Variants in DOCK2 observed in about 807,000 individuals in gnomAD.
DOCK2 encodes the protein dedicator of cytokinesis 2.
DOCK2 carries 87 observed loss-of-function variants against 248.9 expected under a neutral mutation model. The ratio of observed to expected loss-of-function variants is 0.35; its 90% CI spans 0.29 to 0.42. The LOEUF (loss-of-function observed/expected upper bound fraction) is 0.42, where lower values mean the gene tolerates loss of function less well. Among genes scored for constraint, DOCK2 ranks in the 10% least tolerant of loss-of-function variants. The pLI is 1.00. For synonymous variants in DOCK2, 805 were observed against 821.6 expected (o/e 0.98, Z 0.35); for missense variants, 1,747 against 2,300.2 (o/e 0.76, Z 4.92).
chr5:169,915,702 G>C (rs781020956), intron 27 of DOCK2, among the ~76,000 whole-genome samples: 2 of 151,908 alleles, frequency 1.3e-5, no homozygotes, highest in African/African-American at 4.8e-5. Context: ...AACATTTAAA[G>C]GCAATTGTCA....
At chr5:169,818,710 G>C (rs1315736392) in intron 26 of DOCK2, among the ~76,000 whole-genome samples, 5 of 152,088 alleles carry the variant, frequency 3.3e-5, no homozygotes. Flanking sequence ...GGAAGTGTTG[G>C]GTTCTATTTC....
At chr5:169,681,947 T>A in intron 7 of DOCK2, 68 bp downstream of exon 7, 4 of 1,583,256 alleles carry the variant, frequency 2.5e-6, no homozygotes, top group Non-Finnish European at 3.4e-6. Context: ...CTTAAAATAA[T>A]GGGCTAATGA....
chr5:169,950,137 C>G (rs1776599778), intron 27 of DOCK2, among the ~76,000 whole-genome samples: 1 of 152,148 alleles, frequency 6.6e-6, no homozygotes, highest in African/African-American at 2.4e-5. Context: ...TCTTTCTGTT[C>G]TACTATCATG....
At chr5:169,964,378 G>A (rs145597805) in intron 27 of DOCK2, among the ~76,000 whole-genome samples, 4,065 of 152,250 alleles carry the variant, frequency 0.027, 181 homozygotes, top group African/African-American at 0.092. Context: ...CTGTCATTGG[G>A]AAGACTGGCA....
chr5:169,836,636 C>A (rs1769596834), intron 26 of DOCK2, among the ~76,000 whole-genome samples: 2 of 151,900 alleles, frequency 1.3e-5, no homozygotes, highest in South Asian at 2.1e-4. Flanking sequence ...TAAATATGAC[C>A]AACTTCAAAA....
chr5:169,705,395 C>T (rs1295913019), intron 14 of DOCK2, among the ~76,000 whole-genome samples: 2 of 152,022 alleles, frequency 1.3e-5, no homozygotes, highest in African/African-American at 2.4e-5. Flanking sequence ...CAACTTGAGG[C>T]GGTGGAGGCA....
chr5:169,990,508 T>A (rs1778176602), intron 29 of DOCK2, among the ~76,000 whole-genome samples: 1 of 152,142 alleles, frequency 6.6e-6, no homozygotes, highest in Non-Finnish European at 1.5e-5. Context: ...AATCCCAAAT[T>A]ATGCAGAAAA....
chr5:169,936,259 A>C (rs533723676), intron 27 of DOCK2, among the ~76,000 whole-genome samples: 1 of 152,352 alleles, frequency 6.6e-6, no homozygotes, highest in South Asian at 2.1e-4. Flanking sequence ...GGTTCTACAG[A>C]CAAGATAATG....
intron 27 of DOCK2, among the ~76,000 whole-genome samples, chr5:169,870,625 T>C (rs1322581507): frequency 2.0e-5 from 3 of 152,180 alleles, no homozygotes; most frequent in East Asian, 1.9e-4. Flanking sequence ...TATTATACTT[T>C]AAGTTTTAGG....
Position 169,914,637 on chromosome 5 carries a change from A to C in DOCK2, c.2800-68431A>C, listed in dbSNP as rs77841354. On this transcript the variant is annotated intron_variant, in intron 27 of 51. Transcript: ENST00000520908. ...GCATTTTAAGATCAAGAGTTTCCAC[A>C]TAGAAAACAACCTGGATTTCTGGCA... 4.7e-3 allele frequency among the ~76,000 whole-genome samples: 712 copies of C among 152,346 alleles called. 8 individuals carry two copies. The highest frequency in any genetic ancestry group is 0.038 in the East Asian group (196 of 5,186).
Position 169,717,731 on chromosome 5 carries a change from C to T in DOCK2, c.2132+247C>T, listed in dbSNP as rs1171822776. Among the ~76,000 whole-genome samples, 8 of 152,132 alleles carry T rather than the reference C, an allele frequency of 5.3e-5. No individual in the cohort carries two copies. In the South Asian group the frequency reaches 8.3e-4, roughly 16 times the overall value. On this transcript the variant is annotated intron_variant, in intron 21 of 51. Coordinates refer to ENST00000520908, the MANE Select transcript of DOCK2 (RefSeq NM_004946.3). Reference sequence around the variant, plus strand: ...AGTGCTCATTCATCCATTCAGCTAGCGTGCTCTCATTTCTTGAGTGGACAC... The same window carrying T: ...AGTGCTCATTCATCCATTCAGCTAGTGTGCTCTCATTTCTTGAGTGGACAC...
intron 27 of DOCK2, among the ~76,000 whole-genome samples, chr5:169,926,261 C>T (rs546504363): frequency 2.1e-4 from 32 of 152,342 alleles, no homozygotes; most frequent in African/African-American, 7.0e-4. Flanking sequence ...TCTCACCTGC[C>T]ACCTGCAGAC....
At chr5:169,934,944 T>C (rs1162213604) in intron 27 of DOCK2, 7 of 323,630 alleles carry the variant, frequency 2.2e-5, no homozygotes, top group African/African-American at 1.5e-4. Context: ...TAGAAAGTGA[T>C]TGTGCTATGC....
intron 27 of DOCK2, chr5:169,882,825 C>A (rs534029058): frequency 9.0e-6 from 14 of 1,549,990 alleles, no homozygotes; most frequent in African/African-American, 4.1e-5. Context: ...GGTTGTTTGC[C>A]GTCTGCTCCT....
intron 27 of DOCK2, among the ~76,000 whole-genome samples, chr5:169,856,682 G>A (rs1343409595): frequency 1.3e-5 from 2 of 152,194 alleles, no homozygotes; most frequent in Non-Finnish European, 2.9e-5. Flanking sequence ...ACCCATCCGT[G>A]ATTTCTGTTT....
intron 25 of DOCK2, among the ~76,000 whole-genome samples, chr5:169,768,568 C>T (rs866578035): frequency 6.6e-6 from 1 of 152,140 alleles, no homozygotes; most frequent in East Asian, 1.9e-4. Flanking sequence ...CACAGGGACC[C>T]TTGCCTGGGA....
intron 46 of DOCK2, among the ~76,000 whole-genome samples, chr5:170,073,819 AG>A (rs1757755762): frequency 6.6e-6 from 1 of 152,162 alleles, no homozygotes; most frequent in Non-Finnish European, 1.5e-5. Context: ...ATTGGTTATT[AG>A]TACCTTGTAT....
chr5:169,968,100 G>A (rs1777369244), intron 27 of DOCK2, among the ~76,000 whole-genome samples: 1 of 152,172 alleles, frequency 6.6e-6, no homozygotes, highest in Non-Finnish European at 1.5e-5. Flanking sequence ...AACCTTCCTG[G>A]AATTCTCTTT....
intron 23 of DOCK2, among the ~76,000 whole-genome samples, chr5:169,747,738 C>T (rs1763687039): frequency 6.6e-6 from 1 of 152,122 alleles, no homozygotes; most frequent in Non-Finnish European, 1.5e-5. Context: ...ATTTTTGTTA[C>T]CTAGAAGGAA....
Sources: allele counts gnomAD v4.1 joint callset (sites outside exome capture counted in the v4.1 genomes callset), GRCh38; gene constraint gnomAD v4.1.1; transcripts MANE v1.5; gene names NCBI Gene and HGNC (gene_info 2026-07-23, HGNC 2026-07-21).